The following RBM46 variants were observed in gnomAD, a reference collection of about 807,000 sequenced individuals.
RBM46 encodes RNA binding motif protein 46.
RBM46 carries 12 observed loss-of-function variants against 43.3 expected under a neutral mutation model. The ratio of observed to expected loss-of-function variants is 0.28; its 90% CI spans 0.18 to 0.45. RBM46 has a LOEUF of 0.45. Ranked by LOEUF, RBM46 falls within the 20% of genes least tolerant of loss-of-function variation. The pLI is 1.00. For missense variants in RBM46, 412 were observed against 639.1 expected, an observed-to-expected ratio of 0.64 and a Z score of 3.83; for synonymous variants, 205 against 207.6, an observed-to-expected ratio of 0.99 and a Z score of 0.11.
At chr4:154,799,617 T>A (rs1232053545) in intron 4 of RBM46, 53 bp downstream of exon 4, 50 of 1,211,176 alleles carry the variant, frequency 4.1e-5, no homozygotes, top group Non-Finnish European at 5.3e-5. Context: ...GGAAATACTG[T>A]AGATTATTTT....
intron 4 of RBM46, among the ~76,000 whole-genome samples, chr4:154,802,697 TG>T (rs1288258675): frequency 6.6e-6 from 1 of 152,194 alleles, no homozygotes; most frequent in African/African-American, 2.4e-5. Flanking sequence ...AGTCATCTTT[TG>T]GCTCTATTAA....
chr4:154,782,634 C>A (rs567638164), intron 1 of RBM46, among the ~76,000 whole-genome samples: 5 of 152,092 alleles, frequency 3.3e-5, no homozygotes, highest in Non-Finnish European at 7.4e-5. Flanking sequence ...TACAGGCGCG[C>A]GCCACCACGC....
At chr4:154,795,467 TGTA>T (rs1734304421) in intron 1 of RBM46, among the ~76,000 whole-genome samples, 1 of 152,156 alleles carries the variant, frequency 6.6e-6, no homozygotes, top group Non-Finnish European at 1.5e-5. Flanking sequence ...AGTATTTTTA[TGTA>T]GTAAAAAAAT....
rs183374371 is a variant in RBM46 at position 154,810,517 on chromosome 4, G to A, written c.1402+10953G>A. Among the ~76,000 whole-genome samples the A allele has an allele frequency of 3.3e-5, 5 of 152,134 alleles. No individual in the cohort carries two copies. The East Asian group carries it at 5.8e-4, about 18-fold the overall frequency. On this transcript the variant is annotated intron_variant, in intron 4 of 4. Coordinates refer to ENST00000281722, the MANE Select transcript of RBM46 (RefSeq NM_144979.5). The stretch of plus-strand genomic sequence containing the variant: ...TTTCAAATGTTTGAAGTGCTCGCAC[G>A]TGGAAAAAAGACTTTAGTCTTTATC...
At chr4:154,826,642 T>A (rs1469663942) in intron 4 of RBM46, 1 of 625,552 alleles carries the variant, frequency 1.6e-6, no homozygotes, top group African/African-American at 1.8e-5. Context: ...GCTTTGTTGA[T>A]CTTATGGTAC....
intron 4 of RBM46, among the ~76,000 whole-genome samples, chr4:154,810,206 T>C (rs2111175920): frequency 6.6e-6 from 1 of 152,292 alleles, no homozygotes; most frequent in East Asian, 1.9e-4. Flanking sequence ...AGAACTTGTG[T>C]TATTTTGTCA....
chr4:154,796,999 C>T, intron 2 of RBM46, 96 bp downstream of exon 2: 2 of 995,054 alleles, frequency 2.0e-6, no homozygotes, highest in East Asian at 2.6e-5. Flanking sequence ...ATAGCTCTCT[C>T]CTTGTAACTG....
chr4:154,784,501 T>C (rs1733662926), intron 1 of RBM46, among the ~76,000 whole-genome samples: 1 of 152,226 alleles, frequency 6.6e-6, no homozygotes, highest in Admixed American at 6.5e-5. Flanking sequence ...TGATTTGCTA[T>C]CCTGTCTTGG....
chr4:154,790,671 A>G (rs1048698880), intron 1 of RBM46, among the ~76,000 whole-genome samples: 2 of 152,226 alleles, frequency 1.3e-5, no homozygotes, highest in African/African-American at 4.8e-5. Flanking sequence ...GAATTCTATT[A>G]CTAATGGTCA....
At chr4:154,825,000 G>A (rs1319913131) in intron 4 of RBM46, among the ~76,000 whole-genome samples, 1 of 152,020 alleles carries the variant, frequency 6.6e-6, no homozygotes, top group Non-Finnish European at 1.5e-5. Context: ...AATAAACATA[G>A]GATGTATGCA....
rs902946960 is a variant in RBM46 at position 154,801,496 on chromosome 4, C to A, written c.1402+1932C>A. On this transcript the variant is annotated intron_variant, in intron 4 of 4. Coordinates refer to ENST00000281722, the MANE Select transcript of RBM46 (RefSeq NM_144979.5). ...AAAGATAAAATTGTTAGGTAGACAG[C>A]AAATAATTCAAATTAAGTTTCTTAG... Among the ~76,000 whole-genome samples the A allele has an allele frequency of 2.0e-5, 3 of 152,176 alleles. No homozygotes were observed. In the East Asian group the frequency reaches 5.8e-4, roughly 29 times the overall value.
intron 1 of RBM46, chr4:154,790,153 T>A (rs1734008297): frequency 6.6e-6 from 1 of 152,232 alleles, no homozygotes; most frequent in South Asian, 2.1e-4. Context: ...TGAAGGTTTT[T>A]TTGTGTCTCT....
At chr4:154,787,718 C>G (rs962090455) in intron 1 of RBM46, among the ~76,000 whole-genome samples, 6 of 152,162 alleles carry the variant, frequency 3.9e-5, no homozygotes, top group African/African-American at 1.2e-4. Flanking sequence ...ATGGCTGGGT[C>G]AAATGGTATT....
chr4:154,814,842 C>G (rs561262106), intron 4 of RBM46, among the ~76,000 whole-genome samples: 1 of 150,234 alleles, frequency 6.7e-6, no homozygotes, highest in Non-Finnish European at 1.5e-5. Context: ...CCCCTCCCCC[C>G]CTTTTTTTTA....
chr4:154,817,217 G>T (rs1313480897), intron 4 of RBM46, among the ~76,000 whole-genome samples: 1 of 151,486 alleles, frequency 6.6e-6, no homozygotes, highest in Non-Finnish European at 1.5e-5. Flanking sequence ...TTGAATATGT[G>T]GAATATTATT....
chr4:154,788,107 T>C (rs545844431), intron 1 of RBM46, among the ~76,000 whole-genome samples: 1 of 152,334 alleles, frequency 6.6e-6, no homozygotes, highest in African/African-American at 2.4e-5. Flanking sequence ...GATGGTTAGA[T>C]TGTAAAAATT....
At chr4:154,807,307 AC>A (rs1223673205) in intron 4 of RBM46, among the ~76,000 whole-genome samples, 4 of 151,608 alleles carry the variant, frequency 2.6e-5, no homozygotes, top group African/African-American at 9.7e-5. Context: ...ATTTAATGTT[AC>A]GTTGATTTGT....
chr4:154,792,127 G>A (rs1734124229), intron 1 of RBM46, among the ~76,000 whole-genome samples: 1 of 152,088 alleles, frequency 6.6e-6, no homozygotes, highest in Non-Finnish European at 1.5e-5. Context: ...CAGCATTTGG[G>A]CAAACAGATT....
intron 1 of RBM46, among the ~76,000 whole-genome samples, chr4:154,786,854 G>T (rs190011332): frequency 5.3e-4 from 81 of 152,290 alleles, no homozygotes; most frequent in African/African-American, 1.7e-3. Flanking sequence ...TTGAACCTGG[G>T]GGGTGGAGGT....
Sources: allele counts gnomAD v4.1 joint callset (sites outside exome capture counted in the v4.1 genomes callset), GRCh38; gene constraint gnomAD v4.1.1; transcripts MANE v1.5; gene names NCBI Gene and HGNC (gene_info 2026-07-23, HGNC 2026-07-21).